PKHD1: variants seen among roughly 807,000 people sequenced by gnomAD.
PKHD1 encodes the protein fibrocystin.
A neutral mutation model predicts 412.0 loss-of-function variants in PKHD1; 291 were observed. That is an observed-to-expected ratio of 0.71 (90% CI 0.64 to 0.78). PKHD1 has a LOEUF of 0.78. PKHD1 is among the 30% of genes least tolerant of loss of function. The probability of loss-of-function intolerance (pLI) is 0.00; values close to 1 mark genes in which losing one functional copy is unlikely to be tolerated. For missense variants in PKHD1, 4,825 were observed against 4,950.7 expected, an observed-to-expected ratio of 0.97 and a Z score of 0.76; for synonymous variants, 1,777 against 1,821.5, an observed-to-expected ratio of 0.98 and a Z score of 0.62.
intron 57 of PKHD1, among the ~76,000 whole-genome samples, chr6:51,749,050 C>T (rs903201406): frequency 1.3e-5 from 2 of 152,114 alleles, no homozygotes; most frequent in African/African-American, 4.8e-5. Context: ...GTCAAGTCTC[C>T]CTCTCAGTGT....
In PKHD1 at chr6:51,729,744, A is replaced by G. The variant is rs147430518; in HGVS notation, c.10156+14641T>C. Among the ~76,000 whole-genome samples, 571 of 152,326 alleles carry G rather than the reference A, an allele frequency of 3.7e-3. 8 individuals are homozygous for G. The highest frequency in any genetic ancestry group is 6.0e-3 in the Non-Finnish European group (405 of 68,018). On this transcript the variant is annotated intron_variant, in intron 60 of 66. Transcript: ENST00000371117. ...ACACTTTTTAATTATTGCAAATATG[A>G]TTGGGAAAATAATAATAATTATAGT...
chr6:51,920,056 A>G (rs1240022401), intron 37 of PKHD1, among the ~76,000 whole-genome samples: 3 of 152,242 alleles, frequency 2.0e-5, no homozygotes, highest in Non-Finnish European at 2.9e-5. Flanking sequence ...TAAATATACA[A>G]TCATGTAATT....
At chr6:51,979,423 C>T (rs1794861809) in intron 35 of PKHD1, among the ~76,000 whole-genome samples, 1 of 152,108 alleles carries the variant, frequency 6.6e-6, no homozygotes, top group Non-Finnish European at 1.5e-5. Context: ...TTGATTGCAA[C>T]AGCCATTCTG....
chr6:51,902,477 G>C (rs1371515251), intron 43 of PKHD1, among the ~76,000 whole-genome samples: 1 of 152,130 alleles, frequency 6.6e-6, no homozygotes, highest in Non-Finnish European at 1.5e-5. Context: ...AATGGTGTGT[G>C]AGTGCTGTGC....
intron 57 of PKHD1, among the ~76,000 whole-genome samples, chr6:51,752,937 G>C (rs1401123861): frequency 1.3e-5 from 2 of 152,158 alleles, no homozygotes; most frequent in African/African-American, 4.8e-5. Context: ...TAATTTCAAA[G>C]CAGTGGAAAT....
At chr6:51,727,883 C>A (rs903671249) in intron 60 of PKHD1, among the ~76,000 whole-genome samples, 1 of 152,144 alleles carries the variant, frequency 6.6e-6, no homozygotes, top group African/African-American at 2.4e-5. Flanking sequence ...ATTGCCAAAC[C>A]ATCACTCAAC....
intron 64 of PKHD1, among the ~76,000 whole-genome samples, chr6:51,637,359 T>A (rs1476473442): frequency 6.6e-6 from 1 of 152,204 alleles, no homozygotes; most frequent in Non-Finnish European, 1.5e-5. Flanking sequence ...TGTACTTATG[T>A]TAGGACACTT....
At chr6:51,903,468 C>T (rs1781578890) in intron 43 of PKHD1, 129 bp downstream of exon 43, 2 of 778,556 alleles carry the variant, frequency 2.6e-6, no homozygotes, top group South Asian at 1.4e-5. Flanking sequence ...TTATGTGTGA[C>T]CCAATTCTTC....
chr6:51,800,890 C>A (rs978530443), intron 52 of PKHD1, among the ~76,000 whole-genome samples: 5 of 152,184 alleles, frequency 3.3e-5, no homozygotes, highest in Admixed American at 6.6e-5. Flanking sequence ...CCAGGCAGAG[C>A]AGGACATACA....
intron 62 of PKHD1, among the ~76,000 whole-genome samples, chr6:51,648,512 T>G (rs1265373913): frequency 6.6e-6 from 1 of 152,146 alleles, no homozygotes; most frequent in Non-Finnish European, 1.5e-5. Flanking sequence ...GCCACAGATT[T>G]CTCTCTGCAA....
intron 55 of PKHD1, among the ~76,000 whole-genome samples, chr6:51,757,765 A>G (rs2025750): frequency 0.32 from 48,601 of 151,886 alleles, 9,661 homozygotes; most frequent in East Asian, 0.7. Flanking sequence ...TACTTTGGGA[A>G]GCCAAGACAG....
At chr6:51,970,563 C>T (rs990231770) in intron 35 of PKHD1, among the ~76,000 whole-genome samples, 2 of 152,176 alleles carry the variant, frequency 1.3e-5, no homozygotes, top group Non-Finnish European at 2.9e-5. Context: ...AGGTTTTCTT[C>T]TAGGACTTTT....
intron 43 of PKHD1, among the ~76,000 whole-genome samples, chr6:51,889,704 G>T (rs1264547208): frequency 6.6e-6 from 1 of 152,140 alleles, no homozygotes; most frequent in Non-Finnish European, 1.5e-5. Context: ...TAGGTCTGCT[G>T]CAGGTGATAT....
intron 3 of PKHD1, 69 bp from the exon 4 acceptor site, chr6:52,082,611 C>A: frequency 6.7e-7 from 1 of 1,496,314 alleles, no homozygotes; most frequent in Non-Finnish European, 9.3e-7. Flanking sequence ...TGAAACTGTG[C>A]TAAGATCCTG....
intron 60 of PKHD1, among the ~76,000 whole-genome samples, chr6:51,668,740 G>A (rs970796840): frequency 1.3e-5 from 2 of 152,158 alleles, no homozygotes; most frequent in African/African-American, 4.8e-5. Context: ...AATTTATTGA[G>A]AGTTTTTAGC....
At chr6:51,646,224 T>C (rs1770064290) in intron 63 of PKHD1, among the ~76,000 whole-genome samples, 1 of 152,192 alleles carries the variant, frequency 6.6e-6, no homozygotes, top group South Asian at 2.1e-4. Flanking sequence ...ATATTGTGCA[T>C]GATTGGGACT....
chr6:51,911,898 T>A lies in PKHD1; in HGVS notation c.6391A>T (p.Thr2131Ser). Residue 2131 changes from threonine to serine, a missense_variant, in exon 39 of 67, where the codon ACT becomes TCT. Transcript: ENST00000371117. ...VAGEHHILKA[T>S]VALLSRSITI... ...ATACTCCTGCTGAGCAGAGCCACAG[T>A]GGCCTTTAAAATATGGTGCTCTCCA... The A allele has an allele frequency of 6.2e-7, 1 of 1,611,730 alleles. No individual in the cohort carries two copies. The highest frequency in any genetic ancestry group is 8.5e-7 in the Non-Finnish European group (1 of 1,178,166).
intron 35 of PKHD1, among the ~76,000 whole-genome samples, chr6:51,963,995 T>C (rs1792448546): frequency 6.6e-6 from 1 of 152,036 alleles, no homozygotes; most frequent in South Asian, 2.1e-4. Context: ...GCCGTGAAAA[T>C]AGAGATACAA....
At chr6:51,715,921 C>T (rs958310538) in intron 60 of PKHD1, among the ~76,000 whole-genome samples, 19 of 152,228 alleles carry the variant, frequency 1.2e-4, no homozygotes, top group Admixed American at 2.6e-4. Context: ...CAAATGGAGT[C>T]CGGAAGCCCA....
Sources: allele counts gnomAD v4.1 joint callset (sites outside exome capture counted in the v4.1 genomes callset), GRCh38; gene constraint gnomAD v4.1.1; transcripts MANE v1.5; gene names NCBI Gene and HGNC (gene_info 2026-07-23, HGNC 2026-07-21).